SERINC5: variants seen among roughly 807,000 people sequenced by gnomAD.
The protein encoded by SERINC5 is serine incorporator 5, also known as chromosome 5 open reading frame 12.
Under a neutral mutation model 63.1 loss-of-function variants are expected in SERINC5, and 41 were observed. The observed-to-expected ratio is 0.65, with a 90% CI of 0.51 to 0.84. The LOEUF (loss-of-function observed/expected upper bound fraction) is 0.84, where lower values mean the gene tolerates loss of function less well. Among genes scored for constraint, SERINC5 ranks in the 40% least tolerant of loss-of-function variants. The pLI is 0.00. For synonymous variants in SERINC5, 222 were observed against 215.2 expected (o/e 1.03, Z -0.28); for missense variants, 523 against 573.0 (o/e 0.91, Z 0.89).
downstream of SERINC5, chr5:80,138,664 A>C (rs6891705): frequency 0.28 from 64,392 of 228,344 alleles, 9,800 homozygotes; most frequent in Admixed American, 0.35. Flanking sequence ...ACATGAGGTA[A>C]TGCATATGCT....
chr5:80,155,232 G>A (rs1746441394), intron 8 of SERINC5, among the ~76,000 whole-genome samples: 1 of 152,194 alleles, frequency 6.6e-6, no homozygotes, highest in Non-Finnish European at 1.5e-5. Flanking sequence ...TCACAGCAAA[G>A]CTCCAGACTA....
In SERINC5 at chr5:80,139,106, C is replaced by A; in HGVS notation, c.*4557G>T. On this transcript the variant is annotated 3_prime_UTR_variant, in exon 12 of 12. Transcript: ENST00000507668. The stretch of plus-strand genomic sequence containing the variant: ...AATTTCAAACAGTAGATTTACCACA[C>A]ATATTGCATTTTCAAATTCTAATGT... 1 of 984,534 alleles carries A rather than the reference C, an allele frequency of 1.0e-6. No individual in the cohort carries two copies. 61.0% of individuals were successfully genotyped at this position (984,534 alleles called of 1,614,324 possible).
intron 11 of SERINC5, among the ~76,000 whole-genome samples, chr5:80,118,816 G>C (rs113265963): frequency 1.3e-5 from 2 of 149,558 alleles, no homozygotes; most frequent in African/African-American, 5.0e-5. Context: ...ACCCACCTCG[G>C]CCTCCCAAAG....
At chr5:80,146,305 C>A (rs1407647944) in intron 10 of SERINC5, 71 bp from the exon 11 acceptor site, 8 of 1,567,466 alleles carry the variant, frequency 5.1e-6, no homozygotes, top group Middle Eastern at 2.0e-4. Flanking sequence ...AAGTCACGCT[C>A]GCTAATTCTA....
chr5:80,177,467 G>T, intron 3 of SERINC5, 70 bp from the exon 4 acceptor site: 1 of 1,209,062 alleles, frequency 8.3e-7, no homozygotes, highest in Non-Finnish European at 1.2e-6. Flanking sequence ...GGACCTCGTA[G>T]AAGGTACAGC....
intron 1 of SERINC5, among the ~76,000 whole-genome samples, chr5:80,244,479 T>G (rs1005579827): frequency 2.0e-5 from 3 of 151,764 alleles, no homozygotes; most frequent in African/African-American, 7.3e-5. Context: ...CCCCCCAAAG[T>G]GCTGGGATTA....
intron 6 of SERINC5, among the ~76,000 whole-genome samples, chr5:80,168,808 T>C (rs1747469043): frequency 6.6e-6 from 1 of 152,226 alleles, no homozygotes; most frequent in Non-Finnish European, 1.5e-5. Context: ...GCTCACATGT[T>C]TCCACTGAGT....
chr5:80,202,520 G>A (rs754399839), intron 2 of SERINC5, among the ~76,000 whole-genome samples: 21 of 152,046 alleles, frequency 1.4e-4, no homozygotes, highest in Non-Finnish European at 2.2e-4. Flanking sequence ...TGTTATTCCC[G>A]GGATGGATGC....
chr5:80,221,031 G>A (rs1430412633), intron 1 of SERINC5, among the ~76,000 whole-genome samples: 1 of 152,104 alleles, frequency 6.6e-6, no homozygotes, highest in Non-Finnish European at 1.5e-5. Flanking sequence ...CAGAACAAAA[G>A]CAGAGACTGC....
At chr5:80,234,181 G>A (rs543790947) in intron 1 of SERINC5, among the ~76,000 whole-genome samples, 84 of 152,224 alleles carry the variant, frequency 5.5e-4, no homozygotes, top group African/African-American at 1.9e-3. Context: ...CATTTCTCCA[G>A]CAATTTTCTT....
intron 4 of SERINC5, among the ~76,000 whole-genome samples, chr5:80,175,955 C>A (rs532164177): frequency 6.7e-6 from 1 of 150,166 alleles, no homozygotes; most frequent in South Asian, 2.1e-4. Flanking sequence ...CAAGAGGGGG[C>A]GGATCACAAG....
At chr5:80,170,861 G>A (rs571305259) in intron 5 of SERINC5, among the ~76,000 whole-genome samples, 10 of 152,218 alleles carry the variant, frequency 6.6e-5, no homozygotes, top group Non-Finnish European at 1.0e-4. Flanking sequence ...ACAAAAATTA[G>A]CAGCATGTTG....
chr5:80,229,414 G>C (rs910317514), intron 1 of SERINC5, among the ~76,000 whole-genome samples: 3 of 137,692 alleles, frequency 2.2e-5, no homozygotes, highest in Admixed American at 7.8e-5. Flanking sequence ...AAACAAAATA[G>C]TTTTGCAACC....
chr5:80,167,459 A>G (rs560160837), intron 6 of SERINC5, among the ~76,000 whole-genome samples: 1 of 152,266 alleles, frequency 6.6e-6, no homozygotes, highest in South Asian at 2.1e-4. Context: ...TCCATAGTGT[A>G]TATGTACCAC....
intron 6 of SERINC5, chr5:80,167,190 G>GC (rs1446652351): frequency 1.3e-5 from 2 of 152,158 alleles, no homozygotes; most frequent in African/African-American, 4.8e-5. Context: ...CAGGTATTAA[G>GC]CCTAGTACCC....
intron 9 of SERINC5, among the ~76,000 whole-genome samples, chr5:80,148,482 A>G (rs113378876): frequency 0.069 from 10,419 of 151,546 alleles, 1,215 homozygotes; most frequent in African/African-American, 0.24. Flanking sequence ...GAGCCACTGC[A>G]CCCGGCCATT....
At chr5:80,235,247 G>A (rs1400573887) in intron 1 of SERINC5, among the ~76,000 whole-genome samples, 1 of 152,158 alleles carries the variant, frequency 6.6e-6, no homozygotes, top group Admixed American at 6.6e-5. Flanking sequence ...GTGCAACCAC[G>A]TTGTAGTATG....
intron 1 of SERINC5, among the ~76,000 whole-genome samples, chr5:80,253,229 A>G (rs1752507864): frequency 6.6e-6 from 1 of 152,192 alleles, no homozygotes; most frequent in African/African-American, 2.4e-5. Flanking sequence ...CTACAGCCAT[A>G]GCCTAAATTA....
chr5:80,175,097 G>C, intron 4 of SERINC5, 50 bp from the exon 5 acceptor site: 4 of 1,317,420 alleles, frequency 3.0e-6, no homozygotes, highest in Non-Finnish European at 4.2e-6. Context: ...GTTGTATTTT[G>C]CTCAAAAGAG....
Sources: allele counts gnomAD v4.1 joint callset (sites outside exome capture counted in the v4.1 genomes callset), GRCh38; gene constraint gnomAD v4.1.1; transcripts MANE v1.5; gene names NCBI Gene and HGNC (gene_info 2026-07-23, HGNC 2026-07-21).